CENPU: variants seen among roughly 807,000 people sequenced by gnomAD.
CENPU encodes the protein KSHV latent nuclear antigen interacting protein 1.
Under a neutral mutation model 56.7 loss-of-function variants are expected in CENPU, and 46 were observed. That is an observed-to-expected ratio of 0.81 (90% CI 0.64 to 1.04). The LOEUF is 1.04. Among genes scored for constraint, CENPU ranks in the 50% least tolerant of loss-of-function variants. The probability of loss-of-function intolerance (pLI) is 0.00; values close to 1 mark genes in which losing one functional copy is unlikely to be tolerated. For synonymous variants in CENPU, 166 were observed against 163.0 expected (o/e 1.02, Z -0.14); for missense variants, 510 against 490.1 (o/e 1.04, Z -0.38).
intron 11 of CENPU, chr4:184,699,670 T>C (rs112229423): frequency 5.6e-6 from 6 of 1,080,310 alleles, no homozygotes; most frequent in Admixed American, 5.2e-5. Flanking sequence ...CAGTCTCTCT[T>C]TTTTTTTTGA....
intron 6 of CENPU, among the ~76,000 whole-genome samples, chr4:184,714,741 A>T (rs1761032763): frequency 6.6e-6 from 1 of 152,234 alleles, no homozygotes; most frequent in Non-Finnish European, 1.5e-5. Flanking sequence ...GTTCTAAGAG[A>T]AAGAGAAAAT....
At chr4:184,706,071 G>T (rs2150207594) in intron 8 of CENPU, among the ~76,000 whole-genome samples, 1 of 152,174 alleles carries the variant, frequency 6.6e-6, no homozygotes, top group South Asian at 2.1e-4. Context: ...CTATTGACCT[G>T]TGTTCTTAAA....
chr4:184,727,567 G>A (rs892899148), intron 3 of CENPU, among the ~76,000 whole-genome samples: 1 of 152,170 alleles, frequency 6.6e-6, no homozygotes, highest in African/African-American at 2.4e-5. Context: ...CCATGGAATT[G>A]TAAAGTGGTG....
intron 8 of CENPU, among the ~76,000 whole-genome samples, chr4:184,709,598 C>T (rs1760853539): frequency 6.6e-6 from 1 of 151,860 alleles, no homozygotes; most frequent in Admixed American, 6.6e-5. Flanking sequence ...GGGTGACCAA[C>T]TAAAATGTTC....
At chr4:184,715,366 C>G (rs1761054505) in intron 6 of CENPU, among the ~76,000 whole-genome samples, 1 of 151,924 alleles carries the variant, frequency 6.6e-6, no homozygotes, top group Admixed American at 6.6e-5. Flanking sequence ...TTGCCCAGTA[C>G]AGTGGCACGG....
chr4:184,702,185 GT>G (rs1760557264), intron 9 of CENPU, 49 bp from the exon 10 acceptor site: 1 of 1,424,710 alleles, frequency 7.0e-7, no homozygotes, highest in African/African-American at 1.4e-5. Context: ...AAAAGTAAAT[GT>G]TAATTAGTTT....
chr4:184,733,374 C>A (rs1761724598), intron 1 of CENPU: 1 of 989,650 alleles, frequency 1.0e-6, no homozygotes, highest in Non-Finnish European at 1.2e-6. Flanking sequence ...TGGCTTTGTG[C>A]ACCGTCTGCA....
At chr4:184,714,723 C>T (rs577138673) in intron 6 of CENPU, among the ~76,000 whole-genome samples, 1 of 152,112 alleles carries the variant, frequency 6.6e-6, no homozygotes, top group South Asian at 2.1e-4. Context: ...TCAACTAATG[C>T]AAAATGAGTT....
Position 184,694,506 on chromosome 4 carries a change from C to CA in CENPU, c.*781dup, listed in dbSNP as rs760804032. 6.2e-7 allele frequency: 1 copy of CA among 1,607,410 alleles called. No individual in the cohort carries two copies. The highest frequency in any genetic ancestry group is 1.3e-5 in the African/African-American group (1 of 74,630). On this transcript the variant is annotated 3_prime_UTR_variant, in exon 13 of 13. Coordinates refer to ENST00000281453, the MANE Select transcript of CENPU (RefSeq NM_024629.4). ...TTTCCTATCCCACTCTCTATCCCTT[C>CA]ACCACTGAAATAAAGGAAGAAGAGT...
At chr4:184,726,464 T>C (rs1045710271) in intron 3 of CENPU, among the ~76,000 whole-genome samples, 1 of 152,118 alleles carries the variant, frequency 6.6e-6, no homozygotes, top group Non-Finnish European at 1.5e-5. Context: ...CACAGTGAGA[T>C]AGTACTTCAC....
chr4:184,718,748 T>G (rs530560458), intron 4 of CENPU, among the ~76,000 whole-genome samples: 1 of 152,276 alleles, frequency 6.6e-6, no homozygotes, highest in South Asian at 2.1e-4. Context: ...CAAGACTGAT[T>G]GCCCAGATTG....
rs191861991 is a variant in CENPU, at chr4:184,729,011, T to A, written c.121A>T (p.Ile41Phe). 1.1e-5 allele frequency: 18 copies of A among 1,613,786 alleles called. No homozygotes were observed. The highest frequency in any genetic ancestry group is 1.4e-5 in the Non-Finnish European group (17 of 1,179,896). The part of the protein sequence containing the change: ...KDKAGQKCKP[I>F]DVFDFPDNSD... ...TTATCAGGAAAGTCGAACACGTCAA[T>A]AGGCTTGCACTTTTGACCAGCTTTC... The change falls in exon 3 of 13, where the codon ATT becomes TTT. Residue 41 changes from isoleucine (I) to phenylalanine (F), a missense_variant. Ile to Phe is a conservative substitution (Grantham distance 21). Coordinates refer to ENST00000281453, the MANE Select transcript of CENPU (RefSeq NM_024629.4).
At chr4:184,730,777 A>T in intron 2 of CENPU, 143 bp downstream of exon 2, 1 of 558,372 alleles carries the variant, frequency 1.8e-6, no homozygotes, top group Admixed American at 4.0e-5. Flanking sequence ...CTATACCGGA[A>T]AAAGTGTGAG....
intron 1 of CENPU, 59 bp downstream of exon 1, chr4:184,733,957 C>T (rs1037161234): frequency 1.4e-5 from 22 of 1,606,176 alleles, no homozygotes; most frequent in Non-Finnish European, 1.8e-5. Flanking sequence ...CCACGGCAGG[C>T]GAGGAAGCAG....
In CENPU at chr4:184,695,325, A is replaced by T. The variant is rs572858058; in HGVS notation, c.1220T>A (p.Ile407Asn). The T allele has an allele frequency of 1.2e-6, 2 of 1,613,580 alleles. No homozygotes were observed. Among genetic ancestry groups the T allele is most frequent in the East Asian group, 2.2e-5 (1 of 44,854 alleles). Residue 407 changes from isoleucine to asparagine, a missense_variant, in exon 13 of 13, where the codon ATC (isoleucine) becomes AAC (asparagine). Transcript: ENST00000281453. ...AAGGAGCTTCTCTAACTGATGGTTG[A>T]TATTTCGCAGATGGCTTTCGGCTCC... Reference protein sequence around the residue: ...LLGAESHLRNINHQLEKLLDQ... With the variant: ...LLGAESHLRNNNHQLEKLLDQ...
chr4:184,702,462 A>G, intron 8 of CENPU, 21 bp from the exon 9 acceptor site: 1 of 1,566,800 alleles, frequency 6.4e-7, no homozygotes, highest in Non-Finnish European at 8.7e-7. Context: ...ATTAAAAAAA[A>G]GTCTAAGTAC....
At position 184,697,536 on chromosome 4, in the gene CENPU, T is replaced by G. The variant is rs547031053; in HGVS notation, c.1143+111A>C. ...TAGTGATACTATTTTAGGTGGACTC[T>G]GTAATTCTGTATCTGCATTTGTCTT... On this transcript the variant is annotated intron_variant, in intron 12 of 12. Coordinates refer to ENST00000281453, the MANE Select transcript of CENPU (RefSeq NM_024629.4). The G allele has an allele frequency of 2.4e-4, 174 of 728,494 alleles. 1 individual carries two copies. The East Asian group carries it at 4.2e-3, about 17-fold the overall frequency. 45.1% of individuals were successfully genotyped at this position (728,494 alleles called of 1,614,324 possible). A position where few individuals can be genotyped will look rare whatever the true frequency, so the allele number is the denominator to read the frequency against.
chr4:184,704,220 C>T (rs1760643620), intron 8 of CENPU, among the ~76,000 whole-genome samples: 1 of 152,132 alleles, frequency 6.6e-6, no homozygotes, highest in Non-Finnish European at 1.5e-5. Context: ...GCTGGGACTA[C>T]AGGCATATGC....
At chr4:184,727,787 CCAAA>C (rs1235828368) in intron 3 of CENPU, among the ~76,000 whole-genome samples, 1 of 152,172 alleles carries the variant, frequency 6.6e-6, no homozygotes, top group Non-Finnish European at 1.5e-5. Flanking sequence ...TGCGGTATAT[CCAAA>C]CAATGGAGTA....
Sources: allele counts gnomAD v4.1 joint callset (sites outside exome capture counted in the v4.1 genomes callset), GRCh38; gene constraint gnomAD v4.1.1; transcripts MANE v1.5; gene names NCBI Gene and HGNC (gene_info 2026-07-23, HGNC 2026-07-21).